Variants in CSGALNACT1 observed in about 807,000 individuals in gnomAD.
CSGALNACT1 encodes the protein beta4GalNAcT-1.
Under a neutral mutation model 51.0 loss-of-function variants are expected in CSGALNACT1, and 52 were observed. The ratio of observed to expected loss-of-function variants is 1.02; its 90% CI spans 0.82 to 1.29. The LOEUF (loss-of-function observed/expected upper bound fraction) is 1.29. CSGALNACT1 is among the 50% of genes most tolerant of loss of function. The pLI is 0.00. For missense variants in CSGALNACT1, 935 were observed against 679.2 expected (o/e 1.38, Z -4.19); for synonymous variants, 341 against 254.4 (o/e 1.34, Z -3.24).
At chr8:19,505,451 C>T (rs572924669) in exon 4 of CSGALNACT1, 1 of 1,614,228 alleles carries the variant, frequency 6.2e-7, no homozygotes, top group African/African-American at 1.3e-5. Flanking sequence ...CTGCCTTGTC[C>T]ACCTGCGAGT....
chr8:19,606,937 C>T (rs1051456272), upstream of CSGALNACT1, among the ~76,000 whole-genome samples: 2 of 152,122 alleles, frequency 1.3e-5, no homozygotes, highest in African/African-American at 4.8e-5. Flanking sequence ...GGGTGGATCA[C>T]AAGGTCAGGA....
chr8:19,405,873 T>G, exon 10 of CSGALNACT1: 1 of 1,614,202 alleles, frequency 6.2e-7, no homozygotes, highest in Admixed American at 1.7e-5. Context: ...GGCCGTGGGA[T>G]GCCTCGTTCA....
At chr8:19,406,623 TAAA>T (rs33985548) in intron 9 of CSGALNACT1, among the ~76,000 whole-genome samples, 3,417 of 72,128 alleles carry the variant, frequency 0.047, 87 homozygotes, top group East Asian at 0.2. Context: ...AGAGGTTTCG[TAAA>T]AAAAAAAAAA....
chr8:19,425,690 T>C (rs1209168665), intron 6 of CSGALNACT1, among the ~76,000 whole-genome samples: 2 of 152,204 alleles, frequency 1.3e-5, no homozygotes, highest in Admixed American at 1.3e-4. Context: ...TTTGTGATTT[T>C]CCTAGGTGCA....
intron 4 of CSGALNACT1, among the ~76,000 whole-genome samples, chr8:19,462,953 T>A (rs1286913342): frequency 1.3e-5 from 2 of 152,170 alleles, no homozygotes; most frequent in African/African-American, 4.8e-5. Flanking sequence ...AATAGGTGGT[T>A]TTCCAATCCT....
intron 1 of CSGALNACT1, among the ~76,000 whole-genome samples, chr8:19,710,520 T>C (rs1173226298): frequency 6.6e-6 from 1 of 152,168 alleles, no homozygotes; most frequent in East Asian, 1.9e-4. Context: ...TGGTCAGAAA[T>C]ATTTTATTTC....
chr8:19,610,463 G>A (rs1305910932), intron 1 of CSGALNACT1, among the ~76,000 whole-genome samples: 1 of 152,060 alleles, frequency 6.6e-6, no homozygotes, highest in African/African-American at 2.4e-5. Context: ...AACCCATCCT[G>A]TGCCTATAAA....
chr8:19,612,218 C>G (rs1372057900), intron 1 of CSGALNACT1, among the ~76,000 whole-genome samples: 1 of 152,068 alleles, frequency 6.6e-6, no homozygotes, highest in Non-Finnish European at 1.5e-5. Flanking sequence ...TGGCACATGC[C>G]TGTAATTCTA....
At chr8:19,682,642 C>T (rs941712331), upstream of CSGALNACT1, 7 of 453,896 alleles carry the variant, frequency 1.5e-5, no homozygotes, top group African/African-American at 1.2e-4. Flanking sequence ...AATATTCAGG[C>T]AACAACAGCC....
intron 1 of CSGALNACT1, among the ~76,000 whole-genome samples, chr8:19,657,002 G>T (rs915281207): frequency 6.6e-6 from 1 of 150,612 alleles, no homozygotes; most frequent in Admixed American, 6.6e-5. Context: ...GGCAGAGGTT[G>T]CAGTGAGCCG....
chr8:19,585,657 C>T (rs747984104), intron 3 of CSGALNACT1, among the ~76,000 whole-genome samples: 2 of 152,164 alleles, frequency 1.3e-5, no homozygotes, highest in Non-Finnish European at 2.9e-5. Flanking sequence ...CCACTTCCTG[C>T]CTGGCTTCTC....
At chr8:19,717,990 G>A (rs920931477) in intron 1 of CSGALNACT1, among the ~76,000 whole-genome samples, 8 of 152,110 alleles carry the variant, frequency 5.3e-5, no homozygotes, top group Non-Finnish European at 1.2e-4. Context: ...TCCACCATCC[G>A]CCATCAAGCC....
At chr8:19,602,602 C>T (rs1398973025), upstream of CSGALNACT1, 2 of 152,236 alleles carry the variant, frequency 1.3e-5, no homozygotes, top group African/African-American at 2.4e-5. Flanking sequence ...CGAGTCCCAC[C>T]GGGTGACCCG....
chr8:19,450,612 C>A (rs910313489), intron 5 of CSGALNACT1, among the ~76,000 whole-genome samples: 1 of 152,108 alleles, frequency 6.6e-6, no homozygotes, highest in African/African-American at 2.4e-5. Flanking sequence ...AAAATGAAGT[C>A]ATTTGCAGGT....
chr8:19,709,898 G>T (rs376330283), intron 1 of CSGALNACT1, among the ~76,000 whole-genome samples: 14 of 152,142 alleles, frequency 9.2e-5, no homozygotes, highest in African/African-American at 3.4e-4. Context: ...CACTCCTAAA[G>T]GCCCCTACAG....
intron 5 of CSGALNACT1, among the ~76,000 whole-genome samples, chr8:19,444,940 G>C (rs1377340463): frequency 6.6e-6 from 1 of 152,192 alleles, no homozygotes; most frequent in African/African-American, 2.4e-5. Flanking sequence ...AAATAGGGAA[G>C]ATGATACTGA....
chr8:19,508,172 C>A (rs1035892509), intron 3 of CSGALNACT1, among the ~76,000 whole-genome samples: 7 of 152,164 alleles, frequency 4.6e-5, no homozygotes, highest in East Asian at 3.9e-4. Context: ...ACGTTCAGGA[C>A]CCTTGGGAGA....
intron 1 of CSGALNACT1, among the ~76,000 whole-genome samples, chr8:19,752,147 A>ATTT (rs1563227946): frequency 8.1e-6 from 1 of 124,044 alleles, no homozygotes; most frequent in East Asian, 2.3e-4. Flanking sequence ...ATATGATATT[A>ATTT]TATGACATAT....
intron 3 of CSGALNACT1, among the ~76,000 whole-genome samples, chr8:19,568,999 C>T (rs1164081129): frequency 6.6e-6 from 1 of 152,134 alleles, no homozygotes; most frequent in Non-Finnish European, 1.5e-5. Flanking sequence ...GAGGAGGTAA[C>T]ATAAATGAAC....
Sources: gnomAD v4.1 joint callset for allele counts (sites outside exome capture counted in the v4.1 genomes callset) on GRCh38, gnomAD v4.1.1 for gene constraint, MANE v1.5 for transcripts, NCBI Gene and HGNC (gene_info 2026-07-23, HGNC 2026-07-21) for gene names.